The following SMAD5 variants were observed in gnomAD, a reference collection of about 807,000 sequenced individuals.
The protein encoded by SMAD5 is MAD, mothers against decapentaplegic homolog 5.
A neutral mutation model predicts 43.1 loss-of-function variants in SMAD5; 9 were observed. The observed-to-expected ratio is 0.21, with a 90% CI of 0.13 to 0.36. The LOEUF (loss-of-function observed/expected upper bound fraction) is 0.36, where lower values mean the gene tolerates loss of function less well. Among genes scored for constraint, SMAD5 ranks in the 10% least tolerant of loss-of-function variants. The pLI is 1.00. For synonymous variants in SMAD5, 190 were observed against 192.4 expected (o/e 0.99, Z 0.10); for missense variants, 348 against 574.0 (o/e 0.61, Z 4.02).
intron 3 of SMAD5, among the ~76,000 whole-genome samples, chr5:136,157,979 A>G (rs1753697363): frequency 6.6e-6 from 1 of 152,214 alleles, no homozygotes; most frequent in Non-Finnish European, 1.5e-5. Context: ...TAAAATGGTA[A>G]TAATACTACC....
intron 1 of SMAD5, among the ~76,000 whole-genome samples, chr5:136,146,896 C>T (rs4645328): frequency 2.0e-5 from 3 of 151,156 alleles, no homozygotes; most frequent in Admixed American, 1.3e-4. Context: ...TCTATATATT[C>T]GGGTGAGGGA....
chr5:136,162,280 G>A (rs1330833005), intron 4 of SMAD5, among the ~76,000 whole-genome samples: 1 of 152,178 alleles, frequency 6.6e-6, no homozygotes, highest in Non-Finnish European at 1.5e-5. Context: ...AAACAAACAT[G>A]GGGAGAATGT....
At chr5:136,154,631 T>G (rs1285519169) in intron 3 of SMAD5, among the ~76,000 whole-genome samples, 9 of 152,180 alleles carry the variant, frequency 5.9e-5, no homozygotes, top group Admixed American at 5.9e-4. Flanking sequence ...GCTTTTCACT[T>G]CATTCACATA....
intron 1 of SMAD5, among the ~76,000 whole-genome samples, chr5:136,139,186 G>T (rs1752988798): frequency 6.6e-6 from 1 of 151,744 alleles, no homozygotes; most frequent in African/African-American, 2.4e-5. Flanking sequence ...CTGTATGTAT[G>T]TGTGTCTCGG....
chr5:136,163,517 A>T, intron 5 of SMAD5, 126 bp downstream of exon 5: 1 of 686,276 alleles, frequency 1.5e-6, no homozygotes. Context: ...TTTTAAGTGT[A>T]TGATTCAAAG....
chr5:136,159,165 G>A (rs1376447943), intron 3 of SMAD5, among the ~76,000 whole-genome samples: 2 of 152,174 alleles, frequency 1.3e-5, no homozygotes, highest in East Asian at 3.9e-4. Context: ...ACTGGATATT[G>A]ATTTAAGCAA....
At chr5:136,165,662 A>ATTTTTTTTTTTTTTTTTTTTT (rs58156387) in intron 5 of SMAD5, among the ~76,000 whole-genome samples, 1 of 65,456 alleles carries the variant, frequency 1.5e-5, no homozygotes, top group Non-Finnish European at 3.0e-5. Flanking sequence ...GAATCATACA[A>ATTTTTTTTTTTTTTTTTTTTT]TTTTTTTTTT....
chr5:136,162,860 G>T (rs974987632), intron 4 of SMAD5, among the ~76,000 whole-genome samples: 1 of 152,190 alleles, frequency 6.6e-6, no homozygotes, highest in African/African-American at 2.4e-5. Flanking sequence ...ACAGTATACA[G>T]TATGTGCTGA....
chr5:136,180,154 C>T lies in SMAD5; in HGVS notation c.*2674C>T, dbSNP rs1580810042. 2.0e-5 allele frequency: 3 copies of T among 152,258 alleles called. No individual in the cohort carries two copies. Among genetic ancestry groups the T allele is most frequent in the Non-Finnish European group, 4.4e-5 (3 of 67,972 alleles). The allele number at this position is 152,258 out of a possible 1,614,324, so 9.4% of individuals were successfully genotyped here. On this transcript the variant is annotated 3_prime_UTR_variant, in exon 8 of 8. Transcript: ENST00000545279. ...ATTTTATTCAGTCCAGCTATTCTTA[C>T]AGTCCCTAAGGATTTTCATATATCT...
chr5:136,138,470 T>C (rs887665806), intron 1 of SMAD5, among the ~76,000 whole-genome samples: 7 of 152,232 alleles, frequency 4.6e-5, no homozygotes, highest in Non-Finnish European at 1.0e-4. Context: ...TTTCTGAATC[T>C]AGAAGAGCTG....
intron 5 of SMAD5, among the ~76,000 whole-genome samples, chr5:136,170,465 A>G (rs1254089201): frequency 2.6e-5 from 4 of 152,022 alleles, no homozygotes; most frequent in Admixed American, 2.6e-4. Flanking sequence ...TTATTTTATC[A>G]TGATCTTGAT....
intron 3 of SMAD5, among the ~76,000 whole-genome samples, chr5:136,157,393 G>A (rs1467314724): frequency 6.6e-6 from 1 of 152,136 alleles, no homozygotes; most frequent in Non-Finnish European, 1.5e-5. Flanking sequence ...TCTTTCCATA[G>A]AATTGGTTGG....
At chr5:136,171,943 G>T (rs1374787955) in intron 5 of SMAD5, among the ~76,000 whole-genome samples, 1 of 152,156 alleles carries the variant, frequency 6.6e-6, no homozygotes, top group Non-Finnish European at 1.5e-5. Context: ...GCTTGAGAGT[G>T]GGATTGTCAT....
In SMAD5 at chr5:136,174,412, C is replaced by T. The variant is rs774538677; in HGVS notation, c.1034C>T (p.Ala345Val). The T allele has an allele frequency of 5.0e-6, 8 of 1,613,102 alleles. No individual in the cohort carries two copies. Among genetic ancestry groups the T allele is most frequent in the African/African-American group, 2.7e-5 (2 of 74,996 alleles). The change falls in exon 7 of 8, where the codon GCG becomes GTG. Residue 345 changes from alanine (A) to valine (V), a missense_variant. Physicochemically the swap from Ala to Val is moderately conservative, Grantham distance 64. Transcript: ENST00000545279. ...HLYYVGGEVYAECLSDSSIFV... is the reference protein window; with the variant it reads ...HLYYVGGEVYVECLSDSSIFV... ...TACTATGTTGGTGGAGAGGTGTATGCGGAATGCCTCAGTGACAGCAGCATA... is the reference window on the plus strand; with the variant it reads ...TACTATGTTGGTGGAGAGGTGTATGTGGAATGCCTCAGTGACAGCAGCATA...
chr5:136,178,497 CT>C lies in SMAD5; in HGVS notation c.*1020del, dbSNP rs1754507205. ...ATGCTTTTTTCTGGTTTTTGTTTTA[CT>C]TTCAACCTAGGTTATAAGACTGTTA... On this transcript the variant is annotated 3_prime_UTR_variant, in exon 8 of 8. Coordinates refer to ENST00000545279, the MANE Select transcript of SMAD5 (RefSeq NM_005903.7). 6.6e-6 allele frequency: 1 copy of C among 152,260 alleles called. No homozygotes were observed. Among genetic ancestry groups the C allele is most frequent in the Admixed American group, 6.5e-5 (1 of 15,284 alleles). The allele number at this position is 152,260 out of a possible 1,614,324, so 9.4% of individuals were successfully genotyped here.
chr5:136,143,920 G>T (rs1391520780), intron 1 of SMAD5, among the ~76,000 whole-genome samples: 1 of 151,860 alleles, frequency 6.6e-6, no homozygotes, highest in Non-Finnish European at 1.5e-5. Context: ...ATATTCACCA[G>T]TATATAATCT....
chr5:136,168,307 T>G (rs938821201), intron 5 of SMAD5, among the ~76,000 whole-genome samples: 2 of 152,240 alleles, frequency 1.3e-5, no homozygotes, highest in Non-Finnish European at 2.9e-5. Context: ...GTATTTTATA[T>G]TGTGTATAAA....
chr5:136,166,306 G>A (rs1280357757), intron 5 of SMAD5, among the ~76,000 whole-genome samples: 2 of 151,698 alleles, frequency 1.3e-5, no homozygotes, highest in African/African-American at 2.4e-5. Context: ...TATTTTATAC[G>A]TTTCTTAAAA....
intron 1 of SMAD5, among the ~76,000 whole-genome samples, chr5:136,144,904 G>A (rs921087811): frequency 6.6e-6 from 1 of 151,616 alleles, no homozygotes; most frequent in African/African-American, 2.4e-5. Flanking sequence ...ATTTTCATTA[G>A]GTAGTTTATC....
Sources: allele counts gnomAD v4.1 joint callset (sites outside exome capture counted in the v4.1 genomes callset), GRCh38; gene constraint gnomAD v4.1.1; transcripts MANE v1.5; gene names NCBI Gene and HGNC (gene_info 2026-07-23, HGNC 2026-07-21).